The following FOSL1 variants were observed in gnomAD, a reference collection of about 807,000 sequenced individuals.
FOSL1 encodes the protein fos-related antigen 1.
A neutral mutation model predicts 24.9 loss-of-function variants in FOSL1; 14 were observed. The ratio of observed to expected loss-of-function variants is 0.56; its 90% CI spans 0.37 to 0.88. The LOEUF (loss-of-function observed/expected upper bound fraction) is 0.88. FOSL1 is among the 40% of genes least tolerant of loss of function. The pLI is 0.00. For synonymous variants in FOSL1, 133 were observed against 145.1 expected (o/e 0.92, Z 0.60); for missense variants, 318 against 359.8 (o/e 0.88, Z 0.94).
intron 2 of FOSL1, among the ~76,000 whole-genome samples, chr11:65,896,576 A>G (rs1451291134): frequency 6.6e-6 from 1 of 151,840 alleles, no homozygotes; most frequent in African/African-American, 2.4e-5. Flanking sequence ...AGTCCTACCC[A>G]TCCTTCTAGG....
In FOSL1 at chr11:65,893,213, C is replaced by T; in HGVS notation, c.489G>A (p.Leu163=). 1.2e-6 allele frequency: 2 copies of T among 1,614,068 alleles called. No homozygotes were observed. The highest frequency in any genetic ancestry group is 1.7e-6 in the Non-Finnish European group (2 of 1,180,004). ...ELQKQKERLE[L]VLEAHRPICK... Reference sequence around the variant, plus strand: ...AGATGGGTCGGTGGGCTTCCAGCACCAGCTCTAGGCGCTCCTTCTGCTTCT... The same window carrying T: ...AGATGGGTCGGTGGGCTTCCAGCACTAGCTCTAGGCGCTCCTTCTGCTTCT... The change falls in exon 4 of 4, where the codon CTG becomes CTA. Residue 163 remains leucine, a synonymous_variant. Coordinates refer to ENST00000312562, the MANE Select transcript of FOSL1 (RefSeq NM_005438.5).
intron 2 of FOSL1, among the ~76,000 whole-genome samples, chr11:65,896,526 C>A (rs77537829): frequency 0.016 from 2,471 of 152,228 alleles, 71 homozygotes; most frequent in African/African-American, 0.056. Context: ...CTGCCACCCC[C>A]GCTACCTGGA....
chr11:65,895,713 C>T (rs780168222), intron 2 of FOSL1, among the ~76,000 whole-genome samples: 8 of 152,162 alleles, frequency 5.3e-5, no homozygotes, highest in Non-Finnish European at 1.2e-4. Flanking sequence ...CACAGTCCCT[C>T]CTCACCACAA....
At chr11:65,897,377 T>C (rs1293707161) in intron 1 of FOSL1, among the ~76,000 whole-genome samples, 3 of 151,630 alleles carry the variant, frequency 2.0e-5, no homozygotes, top group South Asian at 4.2e-4. Context: ...TCTCACTCTG[T>C]TGCCCAGGCT....
rs535377602 is a variant in FOSL1 at position 65,900,369 on chromosome 11, C to T, written c.-30G>A. 2.6e-6 allele frequency: 3 copies of T among 1,166,492 alleles called. No individual in the cohort carries two copies. The highest frequency in any genetic ancestry group is 4.2e-5 in the Admixed American group (1 of 23,552). The allele number at this position is 1,166,492 out of a possible 1,614,324, so 72.3% of individuals were successfully genotyped here. A position where few individuals can be genotyped will look rare whatever the true frequency, so the allele number is the denominator to read the frequency against. ...GGGGCTGGCGGCTCTGCGGGGTACACGGCTGCTGGGTTCTGACTCACCCGC... is the reference window on the plus strand; with the variant it reads ...GGGGCTGGCGGCTCTGCGGGGTACATGGCTGCTGGGTTCTGACTCACCCGC... On this transcript the variant is annotated 5_prime_UTR_variant, in exon 1 of 4. The change creates a new upstream start codon in the 5' untranslated region. Transcript: ENST00000312562.
chr11:65,900,390 C>A (rs370157567), upstream of FOSL1: 1,118 of 1,024,654 alleles, frequency 1.1e-3, 29 homozygotes, highest in South Asian at 0.048. Flanking sequence ...TTCTGACTCA[C>A]CCGCGCCGTG....
intron 1 of FOSL1, among the ~76,000 whole-genome samples, chr11:65,898,993 G>A (rs1285495767): frequency 6.7e-6 from 1 of 149,106 alleles, no homozygotes; most frequent in Non-Finnish European, 1.5e-5. Context: ...GAAAGAGAAG[G>A]AAAGAAAATT....
At chr11:65,894,746 T>C (rs953023699) in intron 2 of FOSL1, among the ~76,000 whole-genome samples, 3 of 152,122 alleles carry the variant, frequency 2.0e-5, no homozygotes, top group Non-Finnish European at 2.9e-5. Flanking sequence ...AACCTCCACC[T>C]ACTGGGTTCA....
chr11:65,898,965 A>G (rs1178461289), intron 1 of FOSL1, among the ~76,000 whole-genome samples: 2 of 37,512 alleles, frequency 5.3e-5, no homozygotes, highest in Non-Finnish European at 4.6e-4. Context: ...TGTCTCAGAA[A>G]AAAAAAAAAA....
At chr11:65,898,805 A>T (rs576931475) in intron 1 of FOSL1, among the ~76,000 whole-genome samples, 4 of 152,126 alleles carry the variant, frequency 2.6e-5, no homozygotes, top group African/African-American at 9.6e-5. Flanking sequence ...CAAAAAAATT[A>T]AAAAATTAGT....
At chr11:65,899,689 C>CA (rs1454344352) in intron 1 of FOSL1, among the ~76,000 whole-genome samples, 1 of 152,250 alleles carries the variant, frequency 6.6e-6, no homozygotes, top group Non-Finnish European at 1.5e-5. Context: ...CTGGACTCCC[C>CA]AGGCCGAGAA....
intron 2 of FOSL1, among the ~76,000 whole-genome samples, chr11:65,896,426 G>A (rs966915540): frequency 3.3e-5 from 5 of 152,114 alleles, no homozygotes; most frequent in South Asian, 4.2e-4. Flanking sequence ...CAACATAAGC[G>A]CCCCCTCTAT....
At position 65,893,075 on chromosome 11, in the gene FOSL1, C is replaced by T; in HGVS notation, c.627G>A (p.Val209=). The change falls in exon 4 of 4, where the codon GTG becomes GTA. Residue 209 remains valine, a synonymous_variant. Coordinates refer to ENST00000312562, the MANE Select transcript of FOSL1 (RefSeq NM_005438.5). ...VPCISLSPGP[V]LEPEALHTPT... ...GGGTGTGCAGTGCCTCAGGTTCAAG[C>T]ACAGGCCCTGGGGAAAGGGAGATAC... 1 of 1,611,526 alleles carries T rather than the reference C, an allele frequency of 6.2e-7. No homozygotes were observed. Among genetic ancestry groups the T allele is most frequent in the South Asian group, 1.1e-5 (1 of 90,958 alleles).
Position 65,894,100 on chromosome 11 carries a change from G to A in FOSL1, c.319C>T (p.Arg107Cys), listed in dbSNP as rs184519609. ...CEQISPEEEE[R>C]RRVRRERNKL... ...TTCCGCTCGCGCCTTACTCGGCGGC[G>A]CTCCTCTTCCTCCGGGCTGATCTGG... is the stretch of plus-strand genomic sequence containing the variant. Residue 107 changes from arginine to cysteine, a missense_variant, in exon 3 of 4, where the codon CGC becomes TGC. Physicochemically the swap from Arg to Cys is radical, Grantham distance 180. Coordinates refer to ENST00000312562, the MANE Select transcript of FOSL1 (RefSeq NM_005438.5). 4 of 1,607,826 alleles carry A rather than the reference G, an allele frequency of 2.5e-6. No homozygotes were observed. The highest frequency in any genetic ancestry group is 4.5e-5 in the East Asian group (2 of 44,848).
chr11:65,893,040 A>G lies in FOSL1; in HGVS notation c.662T>C (p.Met221Thr), dbSNP rs1860429850. Reference protein sequence around the residue: ...EPEALHTPTLMTTPSLTPFTP... With the variant: ...EPEALHTPTLTTTPSLTPFTP... ...GAAAGGAGTTAGGGAGGGTGTGGTC[A>G]TGAGTGTGGGGGTGTGCAGTGCCTC... is the stretch of plus-strand genomic sequence containing the variant. The change falls in exon 4 of 4, where the codon ATG becomes ACG. Residue 221 changes from methionine (M) to threonine (T), a missense_variant. By Grantham distance (81) the Met-to-Thr change is moderately conservative (BLOSUM62 -1). Coordinates refer to ENST00000312562, the MANE Select transcript of FOSL1 (RefSeq NM_005438.5). 1 of 1,612,120 alleles carries G rather than the reference A, an allele frequency of 6.2e-7. No individual in the cohort carries two copies. The highest frequency in any genetic ancestry group is 8.5e-7 in the Non-Finnish European group (1 of 1,179,438).
intron 2 of FOSL1, among the ~76,000 whole-genome samples, chr11:65,895,193 G>A (rs1276497674): frequency 1.1e-4 from 15 of 142,192 alleles, no homozygotes; most frequent in Admixed American, 6.7e-4. Context: ...GTGCCATCTC[G>A]GCTCACTGCA....
intron 3 of FOSL1, among the ~76,000 whole-genome samples, chr11:65,893,528 G>C (rs547035485): frequency 6.6e-6 from 1 of 152,022 alleles, no homozygotes; most frequent in South Asian, 2.1e-4. Context: ...CAGTGACTCC[G>C]GCCTGTAATC....
At chr11:65,897,134 T>G in intron 1 of FOSL1, 128 bp from the exon 2 acceptor site, 1 of 723,224 alleles carries the variant, frequency 1.4e-6, no homozygotes, top group Admixed American at 2.4e-5. Context: ...AGAGCACAGC[T>G]TGGCAGTCAG....
intron 1 of FOSL1, among the ~76,000 whole-genome samples, chr11:65,900,008 G>A (rs1407079657): frequency 6.6e-6 from 1 of 152,252 alleles, no homozygotes; most frequent in Non-Finnish European, 1.5e-5. Flanking sequence ...AGGGACGGAC[G>A]CGGACGGCGA....
Sources: gnomAD v4.1 joint callset for allele counts (sites outside exome capture counted in the v4.1 genomes callset) on GRCh38, gnomAD v4.1.1 for gene constraint, MANE v1.5 for transcripts, NCBI Gene and HGNC (gene_info 2026-07-23, HGNC 2026-07-21) for gene names.